Variants in NDRG4 observed in about 807,000 individuals in gnomAD.
NDRG4 encodes the protein NDRG family member 4.
NDRG4 carries 38 observed loss-of-function variants against 55.8 expected under a neutral mutation model. The observed-to-expected ratio is 0.68, with a 90% CI of 0.53 to 0.89. The LOEUF is 0.89. Among genes scored for constraint, NDRG4 ranks in the 40% least tolerant of loss-of-function variants. The probability of loss-of-function intolerance (pLI) is 0.00; values close to 1 mark genes in which losing one functional copy is unlikely to be tolerated. For missense variants in NDRG4, 455 were observed against 468.6 expected (o/e 0.97, Z 0.27); for synonymous variants, 190 against 182.7 (o/e 1.04, Z -0.32).
In NDRG4 at chr16:58,504,361, AC is replaced by A; in HGVS notation, c.253del (p.Gln85SerfsTer24). ...QVGASQFPQG[Y>X]QFPSMEQLAA... is the part of the protein sequence containing the mutation. ...CTGACCTCCTGCTCTGCCTGCAGGT[AC>A]CAGTTCCCCTCCATGGAGCAGCTGG... On this transcript the variant is annotated frameshift_variant, in exon 4 of 15. Transcript: ENST00000570248. LOFTEE classifies it high-confidence loss of function. The A allele has an allele frequency of 6.2e-7, 1 of 1,613,536 alleles. No individual in the cohort carries two copies. Among genetic ancestry groups the A allele is most frequent in the African/African-American group, 1.3e-5 (1 of 75,002 alleles).
intron 5 of NDRG4, among the ~76,000 whole-genome samples, chr16:58,505,163 C>A (rs750887284): frequency 5.9e-4 from 89 of 152,096 alleles, no homozygotes; most frequent in Non-Finnish European, 4.0e-4. Flanking sequence ...TCCTGGCTAA[C>A]ACGGTGAAAC....
At chr16:58,468,120 C>G (rs1294691324) in intron 1 of NDRG4, among the ~76,000 whole-genome samples, 1 of 152,202 alleles carries the variant, frequency 6.6e-6, no homozygotes, top group Non-Finnish European at 1.5e-5. Flanking sequence ...AGGCCAGGTG[C>G]CCCCTCACAT....
In NDRG4 at chr16:58,464,756, T is replaced by A. The variant is rs1224452121; in HGVS notation, c.-24+959T>A. The stretch of plus-strand genomic sequence containing the variant: ...TCGGATTAGGACCCTGAAAGCTAGC[T>A]CAGGGCTCCTGCCCTCCAATCAGTG... On this transcript the variant is annotated intron_variant, in intron 1 of 15. Transcript: ENST00000258187. This position sits in a 1 kb window ranked among gnomAD's most constrained non-coding sequence, Gnocchi z 4.8. 3 of 1,274,484 alleles carry A rather than the reference T, an allele frequency of 2.4e-6. No homozygotes were observed. The highest frequency in any genetic ancestry group is 3.0e-6 in the Non-Finnish European group (3 of 1,012,172). The allele number at this position is 1,274,484 out of a possible 1,614,324, so 78.9% of individuals were successfully genotyped here.
rs946977675 is a variant in NDRG4, at chr16:58,465,916, A to C, written c.-24+2119A>C. 3.3e-5 allele frequency among the ~76,000 whole-genome samples: 5 copies of C among 152,160 alleles called. No individual in the cohort carries two copies. In the South Asian group the frequency reaches 1.0e-3, roughly 32 times the overall value. Reference sequence around the variant, plus strand: ...TGCCAACTTTTTCTTTGTGGAGCTCACTTGAGGCAGGCCCAGCTCACCCAA... The same window carrying C: ...TGCCAACTTTTTCTTTGTGGAGCTCCCTTGAGGCAGGCCCAGCTCACCCAA... On this transcript the variant is annotated intron_variant, in intron 1 of 15. Coordinates refer to the NDRG4 transcript ENST00000258187.
intron 2 of NDRG4, among the ~76,000 whole-genome samples, chr16:58,491,336 C>T (rs1359878687): frequency 6.6e-6 from 1 of 152,168 alleles, no homozygotes; most frequent in Non-Finnish European, 1.5e-5. Flanking sequence ...AGCGTGGCAC[C>T]CCATGCAGTC....
chr16:58,480,561 A>G (rs570166770), intron 1 of NDRG4, among the ~76,000 whole-genome samples: 1 of 152,330 alleles, frequency 6.6e-6, no homozygotes, highest in African/African-American at 2.4e-5. Context: ...TATAACTGAC[A>G]TTGGAACAGT....
At chr16:58,496,856 C>CATTTG (rs2036470000), upstream of NDRG4, 1 of 152,134 alleles carries the variant, frequency 6.6e-6, no homozygotes, top group African/African-American at 2.4e-5. Flanking sequence ...TACCAAACCT[C>CATTTG]CCTGTGCTTT....
Position 58,506,858 on chromosome 16 carries a change from CTGCGTCCCTCTG to C in NDRG4, c.517-52_517-41del. On this transcript the variant is annotated intron_variant, in intron 7 of 14. Coordinates refer to ENST00000570248, the MANE Select transcript of NDRG4 (RefSeq NM_001242835.2). Reference sequence around the variant, plus strand: ...TGACATCTGCCAGCCCCCTCTAAGCCTGCGTCCCTCTGTCTGCCCCTCTGCATGCCTCCATCC... The same window carrying C: ...TGACATCTGCCAGCCCCCTCTAAGCCTCTGCCCCTCTGCATGCCTCCATCC... The C allele has an allele frequency of 5.3e-6, 8 of 1,521,706 alleles. No individual in the cohort carries two copies. In the South Asian group the frequency reaches 9.2e-5, roughly 17 times the overall value. 94.3% of individuals were successfully genotyped at this position (1,521,706 alleles called of 1,614,324 possible). A position where few individuals can be genotyped will look rare whatever the true frequency, so the allele number is the denominator to read the frequency against.
intron 1 of NDRG4, 72 bp downstream of exon 1, chr16:58,500,341 G>A: frequency 6.6e-6 from 10 of 1,513,316 alleles, no homozygotes; most frequent in African/African-American, 1.4e-5. Context: ...CCGCAGGGAG[G>A]AAGTGCCCCC....
intron 1 of NDRG4, chr16:58,465,154 G>A (rs978136703): frequency 2.6e-4 from 327 of 1,268,678 alleles, no homozygotes; most frequent in Non-Finnish European, 3.3e-4. Context: ...CCAGACAGGA[G>A]GAAAGGAAAG....
chr16:58,478,306 T>C (rs2033952713), intron 1 of NDRG4, among the ~76,000 whole-genome samples: 1 of 151,806 alleles, frequency 6.6e-6, no homozygotes, highest in South Asian at 2.1e-4. Flanking sequence ...GGAGAATCAC[T>C]TGAACGTGGG....
intron 2 of NDRG4, among the ~76,000 whole-genome samples, chr16:58,491,727 T>C (rs1002816446): frequency 5.9e-5 from 9 of 152,236 alleles, no homozygotes; most frequent in Non-Finnish European, 1.2e-4. Flanking sequence ...CCCAAAGTGC[T>C]GGGATTACAG....
At chr16:58,475,419 G>C (rs558054864) in intron 1 of NDRG4, among the ~76,000 whole-genome samples, 2 of 152,258 alleles carry the variant, frequency 1.3e-5, no homozygotes, top group East Asian at 3.9e-4. Flanking sequence ...GGAAGTTGCA[G>C]GTTTGCTCTA....
intron 1 of NDRG4, among the ~76,000 whole-genome samples, chr16:58,487,579 A>T (rs1216383074): frequency 6.6e-6 from 1 of 152,206 alleles, no homozygotes; most frequent in Non-Finnish European, 1.5e-5. Flanking sequence ...CAAGCCAGAC[A>T]GGCGGGTCTT....
chr16:58,492,620 C>T (rs2035943579), intron 2 of NDRG4, among the ~76,000 whole-genome samples: 2 of 151,820 alleles, frequency 1.3e-5, no homozygotes, highest in African/African-American at 4.8e-5. Context: ...TAGCTCACTG[C>T]AGCCTGGACC....
At chr16:58,509,459 T>A in intron 13 of NDRG4, 107 bp downstream of exon 13, 1 of 1,193,640 alleles carries the variant, frequency 8.4e-7, no homozygotes, top group Non-Finnish European at 1.2e-6. Context: ...CAGGTGGTAG[T>A]AGGGAGCCCA....
chr16:58,502,029 A>G (rs1229294363), intron 1 of NDRG4: 1 of 455,798 alleles, frequency 2.2e-6, no homozygotes, highest in African/African-American at 2.0e-5. Flanking sequence ...CTGCCTGGTC[A>G]GGAGCTCCCT....
At chr16:58,497,327 A>AAAGAAG (rs1184936837), upstream of NDRG4, among the ~76,000 whole-genome samples, 1 of 152,182 alleles carries the variant, frequency 6.6e-6, no homozygotes. Flanking sequence ...GTCTCCAAAA[A>AAAGAAG]AAGAAGAAGA....
intron 1 of NDRG4, among the ~76,000 whole-genome samples, chr16:58,502,590 T>C (rs1049171266): frequency 6.6e-6 from 1 of 152,154 alleles, no homozygotes; most frequent in Admixed American, 6.5e-5. Flanking sequence ...TGTCTAAATC[T>C]CCTTTCCCAT....
Sources: gnomAD v4.1 joint callset for allele counts (sites outside exome capture counted in the v4.1 genomes callset) on GRCh38, gnomAD v4.1.1 for gene constraint, Gnocchi (gnomAD v3.1) non-coding constraint, MANE v1.5 for transcripts, NCBI Gene and HGNC (gene_info 2026-07-23, HGNC 2026-07-21) for gene names.